The following FAM162A variants were observed in gnomAD, a reference collection of about 807,000 sequenced individuals.
The protein encoded by FAM162A is family with sequence similarity 162 member A, also known as protein FAM162A.
Under a neutral mutation model 21.8 loss-of-function variants are expected in FAM162A, and 23 were observed. The ratio of observed to expected loss-of-function variants is 1.05; its 90% CI spans 0.76 to 1.49. FAM162A has a LOEUF of 1.49. FAM162A is among the 40% of genes most tolerant of loss of function. FAM162A has a pLI of 0.00. For synonymous variants in FAM162A, 53 were observed against 61.3 expected, an observed-to-expected ratio of 0.86 and a Z score of 0.64; for missense variants, 165 against 186.4, an observed-to-expected ratio of 0.89 and a Z score of 0.67.
At chr3:122,405,570 A>G (rs1210236099) in intron 3 of FAM162A, among the ~76,000 whole-genome samples, 1 of 152,232 alleles carries the variant, frequency 6.6e-6, no homozygotes, top group Non-Finnish European at 1.5e-5. Context: ...AAGCTGGTAG[A>G]CACCCATGGC....
intron 1 of FAM162A, among the ~76,000 whole-genome samples, chr3:122,388,766 A>G (rs1170623565): frequency 1.3e-5 from 2 of 152,186 alleles, no homozygotes; most frequent in East Asian, 1.9e-4. Flanking sequence ...AAATGTATTC[A>G]TGACCGGGCA....
chr3:122,398,087 ATG>A (rs1351965161), intron 1 of FAM162A, among the ~76,000 whole-genome samples: 2 of 118,304 alleles, frequency 1.7e-5, no homozygotes, highest in African/African-American at 2.7e-5. Context: ...AGCACATCAC[ATG>A]TGTAAAAATG....
In FAM162A at chr3:122,407,377, T is replaced by A; in HGVS notation, c.360T>A (p.Ile120=). 6.2e-7 allele frequency: 1 copy of A among 1,613,610 alleles called. No individual in the cohort carries two copies. The highest frequency in any genetic ancestry group is 8.5e-7 in the Non-Finnish European group (1 of 1,179,552). Residue 120 remains isoleucine, a synonymous_variant, in exon 4 of 5, where the codon ATT becomes ATA. Coordinates refer to ENST00000477892, the MANE Select transcript of FAM162A (RefSeq NM_014367.4). Reference sequence around the variant, plus strand: ...TGGTAGGATGCATCTTCATGGTTATTGAGGGCAAGAAGGTGAGAAGGGGTT... The same window carrying A: ...TGGTAGGATGCATCTTCATGGTTATAGAGGGCAAGAAGGTGAGAAGGGGTT... ...LTVVGCIFMV[I]EGKKAAQRHE...
intron 1 of FAM162A, among the ~76,000 whole-genome samples, chr3:122,394,290 TGGG>T (rs141472473): frequency 0.017 from 2,550 of 152,256 alleles, 57 homozygotes; most frequent in South Asian, 0.088. Context: ...GAGATTTGGG[TGGG>T]GGTACAGATC....
At position 122,410,709 on chromosome 3, in the gene FAM162A, T is replaced by A. The variant is rs2075700790; in HGVS notation, c.*878T>A. The A allele has an allele frequency of 6.6e-6, 1 of 152,248 alleles. No individual in the cohort carries two copies. Among genetic ancestry groups the A allele is most frequent in the African/African-American group, 2.4e-5 (1 of 41,470 alleles). 9.4% of individuals were successfully genotyped at this position (152,248 alleles called of 1,614,324 possible). ...ATAGTAGTCCCTTCTTATCCACGGC[T>A]TTGTTTTCTGTGGTTTCAGTTACCT... On this transcript the variant is annotated 3_prime_UTR_variant, in exon 5 of 5. Transcript: ENST00000477892.
At position 122,402,772 on chromosome 3, in the gene FAM162A, G is replaced by A. The variant is rs1432727556; in HGVS notation, c.47G>A (p.Arg16Lys). 7 of 1,552,134 alleles carry A rather than the reference G, an allele frequency of 4.5e-6. No homozygotes were observed. The highest frequency in any genetic ancestry group is 5.2e-6 in the Non-Finnish European group (6 of 1,151,878). The change falls in exon 2 of 5, where the codon AGG (arginine) becomes AAG (lysine). Residue 16 changes from arginine to lysine, a missense_variant. Arg to Lys is a conservative substitution (Grantham distance 26). Coordinates refer to ENST00000477892, the MANE Select transcript of FAM162A (RefSeq NM_014367.4). Reference protein sequence around the residue: ...GLRLAAGSCFRLCERDVSSSL... With the variant: ...GLRLAAGSCFKLCERDVSSSL... ...CTCTCTTTTTTAGGAAGCTGTTTTAGGTTATGTGAAAGAGATGTTTCCTCA... is the reference window on the plus strand; with the variant it reads ...CTCTCTTTTTTAGGAAGCTGTTTTAAGTTATGTGAAAGAGATGTTTCCTCA...
intron 1 of FAM162A, among the ~76,000 whole-genome samples, chr3:122,398,613 CAAAT>C (rs1379464179): frequency 1.3e-5 from 2 of 151,876 alleles, no homozygotes; most frequent in African/African-American, 2.4e-5. Context: ...GTTTCTTTAA[CAAAT>C]AAATTATTTT....
chr3:122,402,789 G>A lies in FAM162A; in HGVS notation c.64G>A (p.Val22Ile), dbSNP rs778571663. The change falls in exon 2 of 5, where the codon GTT becomes ATT. Residue 22 changes from valine to isoleucine, a missense_variant. By Grantham distance (29) the Val-to-Ile change is conservative. Coordinates refer to ENST00000477892, the MANE Select transcript of FAM162A (RefSeq NM_014367.4). ...GSCFRLCERD[V>I]SSSLRLTRSS... The stretch of plus-strand genomic sequence containing the variant: ...CTGTTTTAGGTTATGTGAAAGAGAT[G>A]TTTCCTCATCTCTAAGGCTTACCAG... 8 of 1,577,844 alleles carry A rather than the reference G, an allele frequency of 5.1e-6. No homozygotes were observed. Among genetic ancestry groups the A allele is most frequent in the Non-Finnish European group, 6.9e-6 (8 of 1,163,666 alleles).
chr3:122,389,633 G>A (rs938887139), intron 1 of FAM162A, among the ~76,000 whole-genome samples: 1 of 152,170 alleles, frequency 6.6e-6, no homozygotes, highest in Non-Finnish European at 1.5e-5. Context: ...ATAGCTGTGT[G>A]TCGGGTTTTA....
At position 122,402,757 on chromosome 3, in the gene FAM162A, T is replaced by C. The variant is rs1383716712; in HGVS notation, c.35-3T>C. On this transcript the variant is annotated splice_region_variant and splice_polypyrimidine_tract_variant and intron_variant, in intron 1 of 4. Coordinates refer to ENST00000477892, the MANE Select transcript of FAM162A (RefSeq NM_014367.4). The stretch of plus-strand genomic sequence containing the variant: ...CTTTGAAACATTTTCCTCTCTTTTT[T>C]AGGAAGCTGTTTTAGGTTATGTGAA... The C allele has an allele frequency of 4.0e-6, 6 of 1,494,230 alleles. No homozygotes were observed. In the East Asian group the frequency reaches 1.2e-4, roughly 30 times the overall value. The allele number at this position is 1,494,230 out of a possible 1,614,324, so 92.6% of individuals were successfully genotyped here.
intron 3 of FAM162A, among the ~76,000 whole-genome samples, chr3:122,406,083 G>A (rs1322097229): frequency 1.3e-5 from 2 of 152,100 alleles, no homozygotes; most frequent in African/African-American, 4.8e-5. Context: ...CATTTTTAAA[G>A]TACTCCCCTC....
At chr3:122,397,537 T>G (rs1036267318) in intron 1 of FAM162A, among the ~76,000 whole-genome samples, 5 of 152,178 alleles carry the variant, frequency 3.3e-5, no homozygotes, top group Admixed American at 2.6e-4. Context: ...CTTTCCAGCT[T>G]TCATTTCTGT....
chr3:122,408,622 C>G (rs2075687763), intron 4 of FAM162A, among the ~76,000 whole-genome samples: 1 of 152,168 alleles, frequency 6.6e-6, no homozygotes, highest in Non-Finnish European at 1.5e-5. Flanking sequence ...GTTCCCACCC[C>G]ACTTCATTTT....
At chr3:122,397,624 C>T (rs1298760821) in intron 1 of FAM162A, among the ~76,000 whole-genome samples, 1 of 152,148 alleles carries the variant, frequency 6.6e-6, no homozygotes, top group Non-Finnish European at 1.5e-5. Context: ...CAGACCTGGC[C>T]TCATCTGCAC....
At position 122,412,098 on chromosome 3, in the gene FAM162A, C is replaced by T. The variant is rs1166582093; in HGVS notation, c.*2267C>T. On this transcript the variant is annotated 3_prime_UTR_variant, in exon 5 of 5. Transcript: ENST00000477892. Reference sequence around the variant, plus strand: ...AGTAACTCTGATATCTCATAGTCCTCAGATTTATCAAGCAAACGAAACTGA... The same window carrying T: ...AGTAACTCTGATATCTCATAGTCCTTAGATTTATCAAGCAAACGAAACTGA... 4 of 152,184 alleles carry T rather than the reference C, an allele frequency of 2.6e-5. No individual in the cohort carries two copies. Among genetic ancestry groups the T allele is most frequent in the Non-Finnish European group, 1.5e-5 (1 of 68,034 alleles). 9.4% of individuals were successfully genotyped at this position (152,184 alleles called of 1,614,324 possible).
chr3:122,391,411 T>A lies in FAM162A; in HGVS notation c.34+7112T>A, dbSNP rs552433906. 1.4e-4 allele frequency among the ~76,000 whole-genome samples: 22 copies of A among 152,350 alleles called. 1 individual carries two copies. Among genetic ancestry groups the A allele is most frequent in the African/African-American group, 3.4e-4 (14 of 41,586 alleles). On this transcript the variant is annotated intron_variant, in intron 1 of 4. Coordinates refer to ENST00000477892, the MANE Select transcript of FAM162A (RefSeq NM_014367.4). ...TTTCACTATGTAGTGATAACATTTT[T>A]AAAAATATTTTTAAAGCAAGACCTC...
chr3:122,401,593 T>C (rs944211089), intron 1 of FAM162A: 1 of 1,159,418 alleles, frequency 8.6e-7, no homozygotes, highest in Non-Finnish European at 1.1e-6. Context: ...TATAATTTCA[T>C]CTGTGAAATG....
chr3:122,400,955 AATAC>A (rs2075650523), intron 1 of FAM162A, among the ~76,000 whole-genome samples: 1 of 152,202 alleles, frequency 6.6e-6, no homozygotes, highest in Non-Finnish European at 1.5e-5. Context: ...TTAAATCATA[AATAC>A]ATCTTATATC....
rs1560003641 is a variant in FAM162A at position 122,409,871 on chromosome 3, ATTATG to A, written c.*45_*49del. ...TTGGCTGGATTTTGAAAATCCAGGA[ATTATG>A]TTATAACGTGCCTGTATTAAAAAGG... On this transcript the variant is annotated 3_prime_UTR_variant, in exon 5 of 5. Transcript: ENST00000477892. The A allele has an allele frequency of 1.3e-6, 2 of 1,552,376 alleles. No individual in the cohort carries two copies. Among genetic ancestry groups the A allele is most frequent in the South Asian group, 1.1e-5 (1 of 89,834 alleles).
Sources: allele counts gnomAD v4.1 joint callset (sites outside exome capture counted in the v4.1 genomes callset), GRCh38; gene constraint gnomAD v4.1.1; transcripts MANE v1.5; gene names NCBI Gene and HGNC (gene_info 2026-07-23, HGNC 2026-07-21).